Variants in CLASP2 observed in about 807,000 individuals in gnomAD.
CLASP2 encodes the protein CLIP-associating protein 2.
CLASP2 carries 47 observed loss-of-function variants against 194.4 expected under a neutral mutation model. The ratio of observed to expected loss-of-function variants is 0.24; its 90% CI spans 0.19 to 0.31. The LOEUF (loss-of-function observed/expected upper bound fraction) is 0.31. CLASP2 is among the 10% of genes least tolerant of loss of function. The pLI is 1.00. For synonymous variants in CLASP2, 619 were observed against 633.5 expected, an observed-to-expected ratio of 0.98 and a Z score of 0.34; for missense variants, 1,445 against 1,823.6, an observed-to-expected ratio of 0.79 and a Z score of 3.78.
chr3:33,700,054 G>GA (rs1000477661), intron 1 of CLASP2, among the ~76,000 whole-genome samples: 1 of 150,868 alleles, frequency 6.6e-6, no homozygotes, highest in South Asian at 2.1e-4. Context: ...AATCTTCAGG[G>GA]AAAAAAATAC....
intron 34 of CLASP2, among the ~76,000 whole-genome samples, chr3:33,526,076 T>G (rs147081347): frequency 0.011 from 1,676 of 151,408 alleles, 22 homozygotes; most frequent in African/African-American, 0.031. Context: ...TGCTGCTGCT[T>G]CTTCTTTTTT....
At chr3:33,581,713 G>A (rs1333854817) in intron 23 of CLASP2, 108 bp downstream of exon 23, 1 of 707,236 alleles carries the variant, frequency 1.4e-6, no homozygotes, top group Non-Finnish European at 2.5e-6. Context: ...AAGGGGTAGA[G>A]AGAAAGATCT....
chr3:33,548,763 CTTTTT>C (rs57112524), intron 30 of CLASP2, among the ~76,000 whole-genome samples: 1 of 93,146 alleles, frequency 1.1e-5, no homozygotes, highest in Non-Finnish European at 2.1e-5. Flanking sequence ...GGTTTCATTT[CTTTTT>C]TTTTTTTTTT....
chr3:33,519,785 G>T (rs1395849993), intron 34 of CLASP2, among the ~76,000 whole-genome samples: 4 of 152,068 alleles, frequency 2.6e-5, no homozygotes. Flanking sequence ...TAAAATGGCT[G>T]CCTATGTTTC....
chr3:33,584,091 A>C (rs572490849), intron 22 of CLASP2, among the ~76,000 whole-genome samples: 6 of 152,294 alleles, frequency 3.9e-5, no homozygotes, highest in African/African-American at 1.4e-4. Flanking sequence ...TACACAGAGA[A>C]AATATTAAAG....
chr3:33,671,799 C>A (rs961255037), intron 6 of CLASP2, among the ~76,000 whole-genome samples: 47 of 152,320 alleles, frequency 3.1e-4, no homozygotes, highest in Admixed American at 6.5e-4. Context: ...TATCCTGCAC[C>A]TGGCTCGGAG....
chr3:33,518,066 T>C (rs1325556822), intron 34 of CLASP2, among the ~76,000 whole-genome samples: 1 of 152,232 alleles, frequency 6.6e-6, no homozygotes, highest in East Asian at 1.9e-4. Flanking sequence ...AGAATTCTTC[T>C]GTAGAGAATA....
chr3:33,633,826 C>A (rs986610495), intron 8 of CLASP2, among the ~76,000 whole-genome samples: 1 of 151,906 alleles, frequency 6.6e-6, no homozygotes, highest in Non-Finnish European at 1.5e-5. Flanking sequence ...GAATACATTA[C>A]CCAAAATGTG....
chr3:33,701,954 T>C (rs2092405506), intron 1 of CLASP2, among the ~76,000 whole-genome samples: 1 of 151,860 alleles, frequency 6.6e-6, no homozygotes, highest in South Asian at 2.1e-4. Context: ...GAAAAAAACA[T>C]AAAAGATTCT....
intron 9 of CLASP2, among the ~76,000 whole-genome samples, chr3:33,629,444 A>C (rs2078655791): frequency 6.6e-6 from 1 of 152,166 alleles, no homozygotes. Flanking sequence ...TAACAGAAAG[A>C]TCATGTTTCC....
chr3:33,673,332 C>T (rs1464300705), intron 6 of CLASP2, among the ~76,000 whole-genome samples: 1 of 151,690 alleles, frequency 6.6e-6, no homozygotes, highest in African/African-American at 2.4e-5. Flanking sequence ...ATTTCATATC[C>T]AGCCAAACTA....
intron 27 of CLASP2, among the ~76,000 whole-genome samples, chr3:33,562,131 T>C (rs2061886452): frequency 6.6e-6 from 1 of 152,220 alleles, no homozygotes; most frequent in African/African-American, 2.4e-5. Context: ...AAATATACTT[T>C]AGCTATTTGC....
chr3:33,559,157 G>A (rs1318022850), intron 29 of CLASP2, 150 bp downstream of exon 29: 6 of 702,236 alleles, frequency 8.5e-6, no homozygotes, highest in South Asian at 4.5e-5. Context: ...AGCTGGTCCC[G>A]AAGTGCTGGC....
chr3:33,676,118 T>C (rs1157810000), intron 6 of CLASP2, among the ~76,000 whole-genome samples: 1 of 152,098 alleles, frequency 6.6e-6, no homozygotes, highest in East Asian at 1.9e-4. Flanking sequence ...AGAGCCCGCA[T>C]TGCCAAGTCA....
At position 33,606,713 on chromosome 3, in the gene CLASP2, T is replaced by A; in HGVS notation, c.1572A>T (p.Thr524=). The change falls in exon 16 of 39, where the codon ACA becomes ACT. Residue 524 remains threonine (T), a synonymous_variant. Transcript: ENST00000682230. ...AAGATGGCTCAAGGGAATTATATAA[T>A]GTTTCAGCTTCACCAGGAAAGTGGT... ...LRNHFPGEAE[T]LYNSLEPSYQ... is the part of the protein sequence containing the mutation. 1 of 1,613,326 alleles carries A rather than the reference T, an allele frequency of 6.2e-7. No homozygotes were observed. Among genetic ancestry groups the A allele is most frequent in the Non-Finnish European group, 8.5e-7 (1 of 1,179,510 alleles).
chr3:33,713,964 A>G (rs2093164555), intron 1 of CLASP2, among the ~76,000 whole-genome samples: 1 of 152,228 alleles, frequency 6.6e-6, no homozygotes, highest in South Asian at 2.1e-4. Context: ...AGTAGAGAAA[A>G]GGAATATGGA....
intron 6 of CLASP2, among the ~76,000 whole-genome samples, chr3:33,664,707 A>T (rs1041553514): frequency 4.6e-5 from 7 of 152,200 alleles, no homozygotes; most frequent in African/African-American, 1.7e-4. Context: ...TATCCTACAG[A>T]GTAGTATATT....
chr3:33,675,040 C>T (rs2088239249), intron 6 of CLASP2, among the ~76,000 whole-genome samples: 1 of 152,168 alleles, frequency 6.6e-6, no homozygotes, highest in Admixed American at 6.5e-5. Context: ...CCTTCTGAAA[C>T]TATTCCAATC....
At chr3:33,554,162 A>AG (rs1375457892) in intron 29 of CLASP2, among the ~76,000 whole-genome samples, 2 of 148,802 alleles carry the variant, frequency 1.3e-5, no homozygotes. Context: ...TGGGAGGTGG[A>AG]GTTCCAGTGA....
Sources: gnomAD v4.1 joint callset for allele counts (sites outside exome capture counted in the v4.1 genomes callset) on GRCh38, gnomAD v4.1.1 for gene constraint, MANE v1.5 for transcripts, NCBI Gene and HGNC (gene_info 2026-07-23, HGNC 2026-07-21) for gene names.